The following DMD variants were observed in gnomAD, a reference collection of about 807,000 sequenced individuals.
DMD encodes mutant dystrophin.
In DMD, 63 loss-of-function variants were observed where a neutral mutation model predicts 330.1. That is an observed-to-expected ratio of 0.19 (90% CI 0.16 to 0.24). The LOEUF (loss-of-function observed/expected upper bound fraction) is 0.24, where lower values mean the gene tolerates loss of function less well. Ranked by LOEUF, DMD falls within the 10% of genes least tolerant of loss-of-function variation. The pLI is 1.00. For synonymous variants in DMD, 1,223 were observed against 959.8 expected (o/e 1.27, Z -5.07); for missense variants, 3,344 against 2,684.1 (o/e 1.25, Z -5.43).
At chrX:31,272,430 C>T (rs1004597947) in intron 62 of DMD, among the ~76,000 whole-genome samples, 2 of 112,004 alleles carry the variant, frequency 1.8e-5, no homozygotes, top group African/African-American at 6.5e-5. Flanking sequence ...CATTCCTGGT[C>T]TACCTTAACA....
chrX:32,348,838 T>C (rs1378890720), intron 37 of DMD, among the ~76,000 whole-genome samples: 1 of 111,712 alleles, frequency 9.0e-6, no homozygotes, highest in Non-Finnish European at 1.9e-5. Flanking sequence ...TAAAGTCAAA[T>C]TTGACCTTAT....
At chrX:32,291,137 G>T (rs761529727) in intron 42 of DMD, among the ~76,000 whole-genome samples, 184 of 111,873 alleles carry the variant, frequency 1.6e-3, no homozygotes, top group Non-Finnish European at 2.7e-3. Flanking sequence ...TCAATAATGT[G>T]CTTTGAATCT....
intron 17 of DMD, among the ~76,000 whole-genome samples, chrX:32,531,176 A>G (rs1196777457): frequency 1.8e-5 from 2 of 111,806 alleles, no homozygotes; most frequent in Non-Finnish European, 3.8e-5. Context: ...TAAGTAAGAC[A>G]CTCTCAGATG....
At chrX:32,772,976 ATCTG>A (rs1330733906) in intron 7 of DMD, among the ~76,000 whole-genome samples, 1 of 112,060 alleles carries the variant, frequency 8.9e-6, no homozygotes, top group Non-Finnish European at 1.9e-5. Flanking sequence ...ATTCTGACCA[ATCTG>A]TCGAGAGCAT....
intron 64 of DMD, among the ~76,000 whole-genome samples, chrX:31,211,676 A>G (rs966213062): frequency 4.5e-5 from 5 of 112,199 alleles, no homozygotes; most frequent in South Asian, 3.7e-4. Context: ...TAACACATAG[A>G]ACAGCAAATG....
intron 16 of DMD, among the ~76,000 whole-genome samples, chrX:32,555,287 C>T (rs946185010): frequency 1.9e-4 from 21 of 110,955 alleles, no homozygotes; most frequent in African/African-American, 5.6e-4. Context: ...AACTAGGTAT[C>T]GAAGGAACAT....
At chrX:31,431,787 ATTTTCTTTCTTTTC>A (rs2064104908) in intron 60 of DMD, among the ~76,000 whole-genome samples, 1 of 92,842 alleles carries the variant, frequency 1.1e-5, no homozygotes, top group Non-Finnish European at 2.1e-5. Flanking sequence ...AAATTAAAAT[ATTTTCTTTCTTTTC>A]TTTTCTTTCT....
In DMD at chrX:31,726,430, T is replaced by G. The variant is rs777222820; in HGVS notation, c.7660+3201A>C. Among the ~76,000 whole-genome samples the G allele has an allele frequency of 1.5e-4, 17 of 112,640 alleles. No individual in the cohort carries two copies. In the South Asian group the frequency reaches 2.5e-3, roughly 17 times the overall value. On this transcript the variant is annotated intron_variant, in intron 52 of 78. Transcript: ENST00000357033. ...TATAGTATTACATACATATATTAAC[T>G]ATTTTTTCTTTATTTAGCTGATTTC...
intron 44 of DMD, among the ~76,000 whole-genome samples, chrX:31,971,249 A>C (rs907618950): frequency 2.7e-5 from 3 of 112,133 alleles, no homozygotes; most frequent in African/African-American, 9.7e-5. Context: ...ATAATGCTAT[A>C]AACTAATGCT....
At chrX:31,661,727 A>ATG (rs373190781) in intron 53 of DMD, among the ~76,000 whole-genome samples, 2,146 of 109,304 alleles carry the variant, frequency 0.02, 60 homozygotes, top group African/African-American at 0.065. Flanking sequence ...GTGTGTGTGT[A>ATG]TGTGTGTGTG....
chrX:33,207,488 G>T (rs1054639828), intron 1 of DMD, among the ~76,000 whole-genome samples: 3 of 111,270 alleles, frequency 2.7e-5, no homozygotes, highest in Non-Finnish European at 5.7e-5. Flanking sequence ...TCTCCCATTC[G>T]AAGGGGTTAT....
intron 21 of DMD, among the ~76,000 whole-genome samples, chrX:32,472,737 A>G (rs1345347346): frequency 9.0e-6 from 1 of 111,294 alleles, no homozygotes; most frequent in African/African-American, 3.3e-5. Flanking sequence ...AAAAAATAGT[A>G]TCATTATCCG....
At chrX:31,279,669 G>A (rs756094629) in intron 62 of DMD, among the ~76,000 whole-genome samples, 5 of 112,482 alleles carry the variant, frequency 4.4e-5, no homozygotes, top group East Asian at 2.8e-4. Context: ...GTCAGGTCAC[G>A]ATAGCTTATC....
intron 41 of DMD, 40 bp from the exon 42 acceptor site, chrX:32,310,316 C>A: frequency 9.2e-7 from 1 of 1,092,730 alleles, no homozygotes; most frequent in Admixed American, 2.2e-5. Flanking sequence ...TTTTAGCTTC[C>A]TAACAGTGAA....
intron 62 of DMD, among the ~76,000 whole-genome samples, chrX:31,299,367 C>A (rs926876528): frequency 8.1e-5 from 9 of 111,265 alleles, no homozygotes; most frequent in African/African-American, 2.9e-4. Flanking sequence ...AAAAAAAAAG[C>A]ACATCTCCCT....
intron 77 of DMD, among the ~76,000 whole-genome samples, chrX:31,133,796 T>C (rs1602030917): frequency 8.9e-6 from 1 of 111,818 alleles, no homozygotes; most frequent in Non-Finnish European, 1.9e-5. Flanking sequence ...ACATAATAAT[T>C]GCTCTTCAGT....
intron 55 of DMD, among the ~76,000 whole-genome samples, chrX:31,622,863 TATATATATATATATAC>T (rs1438720197): frequency 1.4e-5 from 1 of 72,904 alleles, no homozygotes; most frequent in African/African-American, 5.5e-5. Flanking sequence ...TATATATATA[TATATATATATATATAC>T]ACACACACAC....
intron 44 of DMD, among the ~76,000 whole-genome samples, chrX:32,012,910 G>A (rs1211638482): frequency 9.1e-6 from 1 of 110,284 alleles, no homozygotes; most frequent in Non-Finnish European, 1.9e-5. Context: ...ATTTCCACTT[G>A]TTAGTTTCTC....
intron 51 of DMD, among the ~76,000 whole-genome samples, chrX:31,758,976 G>A (rs1015859272): frequency 8.1e-5 from 9 of 111,414 alleles, no homozygotes; most frequent in Non-Finnish European, 1.5e-4. Context: ...TTCTGATAAC[G>A]AAAATATGAC....
Sources: gnomAD v4.1 joint callset for allele counts (sites outside exome capture counted in the v4.1 genomes callset) on GRCh38, gnomAD v4.1.1 for gene constraint, MANE v1.5 for transcripts, NCBI Gene and HGNC (gene_info 2026-07-23, HGNC 2026-07-21) for gene names.